The following SCFD2 variants were observed in gnomAD, a reference collection of about 807,000 sequenced individuals.
The protein encoded by SCFD2 is sec1 family domain containing 2.
SCFD2 carries 54 observed loss-of-function variants against 58.9 expected under a neutral mutation model. That is an observed-to-expected ratio of 0.92 (90% CI 0.74 to 1.15). The LOEUF is 1.15. SCFD2 is among the 50% of genes most tolerant of loss of function. The probability of loss-of-function intolerance (pLI) is 0.00; values close to 1 mark genes in which losing one functional copy is unlikely to be tolerated. For missense variants in SCFD2, 805 were observed against 836.6 expected (o/e 0.96, Z 0.47); for synonymous variants, 321 against 335.9 (o/e 0.96, Z 0.49).
chr4:53,273,929 T>A lies in SCFD2; in HGVS notation c.1208A>T (p.His403Leu), dbSNP rs1317121025. The change falls in exon 4 of 9, where the codon CAT becomes CTT. Residue 403 changes from histidine (H) to leucine (L), a missense_variant. By Grantham distance (99) the His-to-Leu change is moderately conservative. Transcript: ENST00000401642. ...FKNNLKALMN[H>L]CGLLQLGLAT... Reference sequence around the variant, plus strand: ...CAGTCCAAGCTGGAGGAGGCCACAATGATTCATTAGAGCTTTGAGGTTGTT... The same window carrying A: ...CAGTCCAAGCTGGAGGAGGCCACAAAGATTCATTAGAGCTTTGAGGTTGTT... 6.2e-7 allele frequency: 1 copy of A among 1,613,978 alleles called. No individual in the cohort carries two copies. The highest frequency in any genetic ancestry group is 8.5e-7 in the Non-Finnish European group (1 of 1,179,924).
chr4:53,277,764 C>T (rs1731370739), intron 3 of SCFD2, among the ~76,000 whole-genome samples: 1 of 152,186 alleles, frequency 6.6e-6, no homozygotes, highest in Admixed American at 6.5e-5. Context: ...GATTAAAAAA[C>T]AGTCCAGGCT....
At chr4:53,042,337 GTATA>G (rs145304372) in intron 5 of SCFD2, among the ~76,000 whole-genome samples, 1 of 148,960 alleles carries the variant, frequency 6.7e-6, no homozygotes, top group African/African-American at 2.5e-5. Flanking sequence ...GTGTGTGTGT[GTATA>G]TATATATATA....
intron 2 of SCFD2, among the ~76,000 whole-genome samples, chr4:53,344,653 G>A (rs1345639868): frequency 2.0e-5 from 3 of 152,184 alleles, no homozygotes; most frequent in Non-Finnish European, 4.4e-5. Context: ...ACAATCCTAA[G>A]CAAACAGAAT....
At chr4:53,065,169 A>G (rs1264597974) in intron 5 of SCFD2, among the ~76,000 whole-genome samples, 27 of 152,114 alleles carry the variant, frequency 1.8e-4, no homozygotes, top group Admixed American at 7.9e-4. Context: ...CAGTAGAATA[A>G]TAACTGCACA....
intron 5 of SCFD2, among the ~76,000 whole-genome samples, chr4:53,077,886 C>T (rs942751058): frequency 3.9e-5 from 6 of 152,044 alleles, no homozygotes; most frequent in African/African-American, 1.4e-4. Flanking sequence ...GATTTTATGT[C>T]TAAAATACAT....
chr4:53,071,843 T>C (rs896731898), intron 5 of SCFD2, among the ~76,000 whole-genome samples: 1 of 152,176 alleles, frequency 6.6e-6, no homozygotes, highest in Non-Finnish European at 1.5e-5. Flanking sequence ...TCCATATAAC[T>C]AGAAACATTT....
At chr4:53,171,736 TAGG>T (rs1000681161) in intron 4 of SCFD2, among the ~76,000 whole-genome samples, 2 of 152,118 alleles carry the variant, frequency 1.3e-5, no homozygotes, top group Admixed American at 1.3e-4. Flanking sequence ...TGTATGTGTC[TAGG>T]AATGTATCAG....
At chr4:53,201,692 T>G (rs1391825332) in intron 4 of SCFD2, among the ~76,000 whole-genome samples, 82 of 152,178 alleles carry the variant, frequency 5.4e-4, no homozygotes, top group Non-Finnish European at 8.7e-4. Flanking sequence ...ACCTGTTGTT[T>G]CCTGACTTTT....
At chr4:53,058,308 A>AT (rs1303572201) in intron 5 of SCFD2, among the ~76,000 whole-genome samples, 2 of 152,130 alleles carry the variant, frequency 1.3e-5, no homozygotes, top group African/African-American at 4.8e-5. Context: ...TCATATAGGC[A>AT]TAAAAAAAGA....
intron 5 of SCFD2, among the ~76,000 whole-genome samples, chr4:53,067,953 A>G (rs1723710638): frequency 6.6e-6 from 1 of 152,088 alleles, no homozygotes; most frequent in South Asian, 2.1e-4. Context: ...CCAGAAAAGA[A>G]ATCTATAATA....
chr4:52,998,522 G>A (rs1721795122), intron 5 of SCFD2, among the ~76,000 whole-genome samples: 1 of 152,184 alleles, frequency 6.6e-6, no homozygotes, highest in African/African-American at 2.4e-5. Context: ...TCATGAAAAT[G>A]AAAGGGAAAG....
intron 4 of SCFD2, among the ~76,000 whole-genome samples, chr4:53,224,827 C>T (rs1420426336): frequency 6.6e-6 from 1 of 151,864 alleles, no homozygotes; most frequent in Non-Finnish European, 1.5e-5. Flanking sequence ...ATTTCTTCTA[C>T]TTTATATATC....
intron 5 of SCFD2, among the ~76,000 whole-genome samples, chr4:52,989,130 T>C (rs1227534722): frequency 6.6e-6 from 1 of 152,218 alleles, no homozygotes; most frequent in African/African-American, 2.4e-5. Flanking sequence ...CTGGGTGTGT[T>C]TAATCCCTGG....
chr4:53,344,321 C>A (rs1465081950), intron 2 of SCFD2, among the ~76,000 whole-genome samples: 5 of 151,984 alleles, frequency 3.3e-5, no homozygotes, highest in African/African-American at 1.2e-4. Flanking sequence ...AAACTGAGAG[C>A]CAAATCATGA....
At chr4:53,323,145 A>G (rs554094677) in intron 2 of SCFD2, among the ~76,000 whole-genome samples, 2 of 152,324 alleles carry the variant, frequency 1.3e-5, no homozygotes, top group African/African-American at 4.8e-5. Flanking sequence ...TGATGTGTTG[A>G]AAATTATTAT....
At position 53,005,564 on chromosome 4, in the gene SCFD2, G is replaced by A. The variant is rs139107091; in HGVS notation, c.1562-84694C>T. On this transcript the variant is annotated intron_variant, in intron 5 of 8. Transcript: ENST00000401642. ...TTCATGTTCCTTCATCGATAAGTAAGGCTGATTATTCCATTAAAACAGACT... is the reference window on the plus strand; with the variant it reads ...TTCATGTTCCTTCATCGATAAGTAAAGCTGATTATTCCATTAAAACAGACT... 2.3e-3 allele frequency among the ~76,000 whole-genome samples: 350 copies of A among 152,228 alleles called. 3 individuals carry two copies. In the South Asian group the frequency reaches 0.029, roughly 13 times the overall value.
chr4:53,256,268 G>A (rs576964597), intron 4 of SCFD2, among the ~76,000 whole-genome samples: 4 of 120,982 alleles, frequency 3.3e-5, no homozygotes, highest in African/African-American at 9.5e-5. Flanking sequence ...GGGCAGAGGC[G>A]CTCCTCACAT....
rs548448945 is a variant in SCFD2 at position 53,298,386 on chromosome 4, C to T, written c.1135+15250G>A. ...CTGAGATCAAACGGCAAGGCAGTAG[C>T]GAGGCTGGGGGAGGGGCGCCCACCA... On this transcript the variant is annotated intron_variant, in intron 3 of 8. Coordinates refer to ENST00000401642, the MANE Select transcript of SCFD2 (RefSeq NM_152540.4). Among the ~76,000 whole-genome samples the T allele has an allele frequency of 1.3e-3, 198 of 152,262 alleles. 1 individual carries two copies. In the South Asian group the frequency reaches 0.014, roughly 11 times the overall value.
At chr4:53,332,838 T>C (rs913123428) in intron 2 of SCFD2, among the ~76,000 whole-genome samples, 15 of 150,672 alleles carry the variant, frequency 1.0e-4, no homozygotes, top group African/African-American at 3.2e-4. Context: ...TGATTGTATA[T>C]CTAGAAAACC....
Sources: gnomAD v4.1 joint callset for allele counts (sites outside exome capture counted in the v4.1 genomes callset) on GRCh38, gnomAD v4.1.1 for gene constraint, MANE v1.5 for transcripts, NCBI Gene and HGNC (gene_info 2026-07-23, HGNC 2026-07-21) for gene names.